Variants in CDH18 observed in about 807,000 individuals in gnomAD.
CDH18 encodes the protein cadherin 18, also known as cadherin-18.
Under a neutral mutation model 67.9 loss-of-function variants are expected in CDH18, and 31 were observed. The ratio of observed to expected loss-of-function variants is 0.46; its 90% CI spans 0.34 to 0.62. CDH18 has a LOEUF of 0.62. Among genes scored for constraint, CDH18 ranks in the 20% least tolerant of loss-of-function variants. The pLI is 0.01. For missense variants in CDH18, 890 were observed against 975.5 expected, an observed-to-expected ratio of 0.91 and a Z score of 1.17; for synonymous variants, 362 against 347.2, an observed-to-expected ratio of 1.04 and a Z score of -0.48.
At chr5:19,851,801 T>C (rs556797827) in intron 2 of CDH18, among the ~76,000 whole-genome samples, 133 of 151,910 alleles carry the variant, frequency 8.8e-4, no homozygotes, top group African/African-American at 3.1e-3. Flanking sequence ...GCGTATATAG[T>C]GTCAAGTAGA....
intron 2 of CDH18, among the ~76,000 whole-genome samples, chr5:20,228,978 A>G (rs1159263238): frequency 1.3e-5 from 2 of 152,034 alleles, no homozygotes; most frequent in East Asian, 3.9e-4. Context: ...ATGTTAAGTC[A>G]TTTCATATTT....
intron 7 of CDH18, among the ~76,000 whole-genome samples, chr5:19,585,153 T>C (rs559444842): frequency 7.9e-5 from 12 of 152,264 alleles, no homozygotes; most frequent in African/African-American, 1.2e-4. Context: ...GAATGAACCA[T>C]TAATATTAAA....
chr5:20,280,819 C>T (rs944589297), intron 1 of CDH18, among the ~76,000 whole-genome samples: 12 of 152,296 alleles, frequency 7.9e-5, no homozygotes, highest in Non-Finnish European at 1.8e-4. Flanking sequence ...TTTACAGTCC[C>T]ACCAACAGTG....
chr5:19,755,427 G>GTGTA (rs1554024291), intron 3 of CDH18, among the ~76,000 whole-genome samples: 8 of 44,656 alleles, frequency 1.8e-4, no homozygotes, highest in African/African-American at 4.5e-4. Flanking sequence ...AACTAACAGG[G>GTGTA]TATGTATATA....
At chr5:19,591,541 T>C (rs1745134823) in intron 6 of CDH18, among the ~76,000 whole-genome samples, 1 of 152,248 alleles carries the variant, frequency 6.6e-6, no homozygotes, top group Admixed American at 6.6e-5. Flanking sequence ...AAAGTTTTCA[T>C]TCTGATTTTG....
chr5:19,643,845 A>G (rs1376265724), intron 5 of CDH18, among the ~76,000 whole-genome samples: 1 of 152,190 alleles, frequency 6.6e-6, no homozygotes, highest in African/African-American at 2.4e-5. Context: ...AACACACACA[A>G]ACACAAACAC....
chr5:19,966,785 T>A (rs539112484), intron 2 of CDH18, among the ~76,000 whole-genome samples: 1 of 152,154 alleles, frequency 6.6e-6, no homozygotes, highest in African/African-American at 2.4e-5. Flanking sequence ...GATAAAGAAT[T>A]TCACTTCATT....
intron 11 of CDH18, among the ~76,000 whole-genome samples, chr5:19,493,037 C>G (rs1418649262): frequency 6.6e-6 from 1 of 152,132 alleles, no homozygotes; most frequent in Non-Finnish European, 1.5e-5. Flanking sequence ...GTAATTGACG[C>G]TGCATTCTGT....
At chr5:19,615,378 A>AAGG (rs891224325) in intron 5 of CDH18, among the ~76,000 whole-genome samples, 3 of 152,140 alleles carry the variant, frequency 2.0e-5, no homozygotes, top group Admixed American at 2.0e-4. Flanking sequence ...TTCTCCTTTT[A>AAGG]AATAGACTAT....
chr5:20,256,292 C>T (rs1251308829), intron 1 of CDH18, among the ~76,000 whole-genome samples: 1 of 151,926 alleles, frequency 6.6e-6, no homozygotes, highest in Non-Finnish European at 1.5e-5. Context: ...CCTTTCAGAA[C>T]CCAAAAGCAG....
chr5:20,175,558 C>T (rs1737167554), intron 2 of CDH18, among the ~76,000 whole-genome samples: 1 of 152,070 alleles, frequency 6.6e-6, no homozygotes, highest in Non-Finnish European at 1.5e-5. Context: ...TCTCCCTGGG[C>T]ATACAGCTAG....
intron 5 of CDH18, among the ~76,000 whole-genome samples, chr5:19,614,370 C>G (rs1250140360): frequency 6.7e-6 from 1 of 150,354 alleles, no homozygotes; most frequent in Admixed American, 6.6e-5. Flanking sequence ...TTATTCTTAT[C>G]AAAATAAATT....
chr5:19,475,852 G>T (rs1738373132), intron 12 of CDH18, among the ~76,000 whole-genome samples: 1 of 151,988 alleles, frequency 6.6e-6, no homozygotes, highest in South Asian at 2.1e-4. Context: ...CTCTGATAAA[G>T]AACATACTTT....
intron 2 of CDH18, among the ~76,000 whole-genome samples, chr5:20,208,781 G>C (rs1740117744): frequency 6.6e-6 from 1 of 151,914 alleles, no homozygotes; most frequent in Admixed American, 6.6e-5. Flanking sequence ...AATGTGAAGA[G>C]ACAACTCAGA....
chr5:19,865,958 T>C (rs1342029949), intron 2 of CDH18, among the ~76,000 whole-genome samples: 7 of 152,156 alleles, frequency 4.6e-5, no homozygotes, highest in African/African-American at 1.7e-4. Context: ...TTTTTCAAAT[T>C]CCCACCAGTA....
At chr5:20,470,593 C>T (rs572872725) in intron 1 of CDH18, among the ~76,000 whole-genome samples, 1 of 152,218 alleles carries the variant, frequency 6.6e-6, no homozygotes, top group South Asian at 2.1e-4. Context: ...ACATCCATGC[C>T]TGCATACATC....
At chr5:20,068,232 T>C (rs1000939450) in intron 2 of CDH18, among the ~76,000 whole-genome samples, 2 of 152,120 alleles carry the variant, frequency 1.3e-5, no homozygotes. Flanking sequence ...TTTGTATAAA[T>C]GTTTAATCAT....
intron 8 of CDH18, among the ~76,000 whole-genome samples, chr5:19,571,285 T>C (rs901915645): frequency 6.6e-6 from 1 of 152,164 alleles, no homozygotes; most frequent in Non-Finnish European, 1.5e-5. Context: ...TAGTTTGTGA[T>C]TAAATAGCTC....
intron 1 of CDH18, among the ~76,000 whole-genome samples, chr5:20,338,356 C>T (rs1408901695): frequency 6.6e-6 from 1 of 152,204 alleles, no homozygotes; most frequent in Non-Finnish European, 1.5e-5. Flanking sequence ...GGAAAAGTTA[C>T]AGCCAAACAT....
Sources: allele counts gnomAD v4.1 joint callset (sites outside exome capture counted in the v4.1 genomes callset), GRCh38; gene constraint gnomAD v4.1.1; transcripts MANE v1.5; gene names NCBI Gene and HGNC (gene_info 2026-07-23, HGNC 2026-07-21).